Variants in TIAM1 observed in about 807,000 individuals in gnomAD.
TIAM1 encodes the protein rho guanine nucleotide exchange factor TIAM1.
A neutral mutation model predicts 163.5 loss-of-function variants in TIAM1; 65 were observed. That is an observed-to-expected ratio of 0.40 (90% CI 0.33 to 0.49). TIAM1 has a LOEUF of 0.49. Among genes scored for constraint, TIAM1 ranks in the 20% least tolerant of loss-of-function variants. The probability of loss-of-function intolerance (pLI) is 0.77; values close to 1 mark genes in which losing one functional copy is unlikely to be tolerated. For synonymous variants in TIAM1, 833 were observed against 810.1 expected (o/e 1.03, Z -0.48); for missense variants, 1,789 against 2,044.7 (o/e 0.87, Z 2.41).
intron 1 of TIAM1, among the ~76,000 whole-genome samples, chr21:31,516,786 T>C (rs889021031): frequency 6.6e-6 from 1 of 151,702 alleles, no homozygotes; most frequent in Non-Finnish European, 1.5e-5. Flanking sequence ...CTGGGCTCGG[T>C]GGCTCACACC....
intron 2 of TIAM1, among the ~76,000 whole-genome samples, chr21:31,458,865 C>G (rs781326818): frequency 2.6e-5 from 4 of 152,088 alleles, no homozygotes; most frequent in Non-Finnish European, 5.9e-5. Context: ...AATGGCTAGC[C>G]AGGCAGAGCT....
chr21:31,155,645 C>T (rs1161669702), intron 16 of TIAM1, among the ~76,000 whole-genome samples: 1 of 152,188 alleles, frequency 6.6e-6, no homozygotes, highest in Non-Finnish European at 1.5e-5. Flanking sequence ...GCTGGGACTA[C>T]AGGCGCCCGC....
intron 11 of TIAM1, among the ~76,000 whole-genome samples, chr21:31,206,420 A>C (rs1473295216): frequency 6.6e-6 from 1 of 152,232 alleles, no homozygotes; most frequent in Non-Finnish European, 1.5e-5. Flanking sequence ...AATGTTAATG[A>C]ATATTTAAAC....
chr21:31,266,687 T>G lies in TIAM1; in HGVS notation c.286A>C (p.Met96Leu), dbSNP rs775117405. Reference protein sequence around the residue: ...GSPIWVDRVDMGLRPVSYTDS... With the variant: ...GSPIWVDRVDLGLRPVSYTDS... ...GTGTAAGACACAGGTCTCAAGCCCA[T>G]GTCCACTCGGTCCACCCAGATGGGG... The change falls in exon 4 of 28, where the codon ATG becomes CTG. Residue 96 changes from methionine to leucine, a missense_variant. Physicochemically the swap from Met to Leu is conservative, Grantham distance 15 (BLOSUM62 2). Transcript: ENST00000541036. The G allele has an allele frequency of 5.6e-6, 9 of 1,614,186 alleles. No homozygotes were observed. In the Admixed American group the frequency reaches 1.5e-4, roughly 27 times the overall value.
At chr21:31,335,790 CTG>C (rs1192958164) in intron 2 of TIAM1, among the ~76,000 whole-genome samples, 1 of 152,136 alleles carries the variant, frequency 6.6e-6, no homozygotes, top group African/African-American at 2.4e-5. Context: ...CTAAATGTCT[CTG>C]TTTATATTCA....
intron 14 of TIAM1, among the ~76,000 whole-genome samples, chr21:31,185,470 A>T (rs1258028911): frequency 4.2e-5 from 6 of 143,694 alleles, no homozygotes; most frequent in Non-Finnish European, 9.1e-5. Flanking sequence ...ATAATGTATT[A>T]ATATATTCTA....
At chr21:31,189,936 A>G (rs1398192582) in intron 13 of TIAM1, among the ~76,000 whole-genome samples, 6 of 152,212 alleles carry the variant, frequency 3.9e-5, no homozygotes, top group Non-Finnish European at 5.9e-5. Flanking sequence ...TCTAACTCTC[A>G]GCAGACAACT....
chr21:31,536,083 G>A (rs1225992185), intron 1 of TIAM1, among the ~76,000 whole-genome samples: 4 of 152,166 alleles, frequency 2.6e-5, no homozygotes, highest in East Asian at 1.9e-4. Flanking sequence ...GAGAAAATGC[G>A]GCACAGGCAG....
intron 15 of TIAM1, among the ~76,000 whole-genome samples, chr21:31,174,915 G>A (rs1433770234): frequency 6.6e-6 from 1 of 152,152 alleles, no homozygotes; most frequent in African/African-American, 2.4e-5. Flanking sequence ...CAACGTGCTG[G>A]GATTACAGGC....
At chr21:31,530,935 C>G (rs1367503719) in intron 1 of TIAM1, among the ~76,000 whole-genome samples, 3 of 152,032 alleles carry the variant, frequency 2.0e-5, no homozygotes, top group Non-Finnish European at 4.4e-5. Context: ...CAGGACTGAA[C>G]AGTCCTGGCT....
chr21:31,129,142 T>C (rs1290958091), intron 25 of TIAM1, among the ~76,000 whole-genome samples: 2 of 152,140 alleles, frequency 1.3e-5, no homozygotes, highest in Admixed American at 6.5e-5. Flanking sequence ...GAGTTTCCAT[T>C]TGACTCTCCA....
intron 2 of TIAM1, among the ~76,000 whole-genome samples, chr21:31,434,442 T>C (rs73358824): frequency 0.033 from 5,006 of 152,266 alleles, 260 homozygotes; most frequent in African/African-American, 0.12. Flanking sequence ...CTGAAATAGA[T>C]AACCATGCCA....
chr21:31,546,958 T>TGGG (rs35193144), intron 1 of TIAM1, among the ~76,000 whole-genome samples: 3 of 151,030 alleles, frequency 2.0e-5, no homozygotes, highest in Non-Finnish European at 4.4e-5. Flanking sequence ...CCCAAAATAG[T>TGGG]GGGGGGGGGC....
At chr21:31,320,210 T>C (rs1384623187) in intron 2 of TIAM1, among the ~76,000 whole-genome samples, 1 of 152,166 alleles carries the variant, frequency 6.6e-6, no homozygotes, top group Non-Finnish European at 1.5e-5. Context: ...AACACGATGC[T>C]AAGTATGATG....
intron 8 of TIAM1, among the ~76,000 whole-genome samples, chr21:31,222,701 ATATATATTTTTTTTTTTTTTT>A (rs1382615087): frequency 0.022 from 1,015 of 46,290 alleles, 17 homozygotes; most frequent in African/African-American, 0.099. Flanking sequence ...ATATATATAT[ATATATATTTTTTTTTTTTTTT>A]TTTTTTTTTT....
chr21:31,125,767 G>A (rs1014035114), intron 26 of TIAM1, among the ~76,000 whole-genome samples: 1 of 152,170 alleles, frequency 6.6e-6, no homozygotes, highest in African/African-American at 2.4e-5. Context: ...TGGAGACGGG[G>A]CTTTGCCATG....
At chr21:31,290,795 G>A (rs2073992260) in intron 2 of TIAM1, among the ~76,000 whole-genome samples, 1 of 151,792 alleles carries the variant, frequency 6.6e-6, no homozygotes, top group African/African-American at 2.4e-5. Flanking sequence ...CATCTGTACA[G>A]TCAAAATATT....
rs143858464 is a variant in TIAM1, at chr21:31,339,544, T to C, written c.-368-122A>G. 1.1e-3 allele frequency: 432 copies of C among 396,326 alleles called. 4 individuals are homozygous for C. The East Asian group carries it at 0.015, about 14-fold the overall frequency. The allele number at this position is 396,326 out of a possible 1,614,324, so 24.6% of individuals were successfully genotyped here. ...CACAGGAAAAGTACCTTACATGTTGTAGACACTCAATACATTAGAGTATGG... is the reference window on the plus strand; with the variant it reads ...CACAGGAAAAGTACCTTACATGTTGCAGACACTCAATACATTAGAGTATGG... On this transcript the variant is annotated intron_variant, in intron 1 of 27. Coordinates refer to ENST00000541036, the MANE Select transcript of TIAM1 (RefSeq NM_001353694.2).
intron 1 of TIAM1, among the ~76,000 whole-genome samples, chr21:31,515,567 C>A (rs2147481088): frequency 6.6e-6 from 1 of 152,280 alleles, no homozygotes; most frequent in South Asian, 2.1e-4. Context: ...TATAAACACC[C>A]AATTGTTGAA....
Sources: allele counts gnomAD v4.1 joint callset (sites outside exome capture counted in the v4.1 genomes callset), GRCh38; gene constraint gnomAD v4.1.1; transcripts MANE v1.5; gene names NCBI Gene and HGNC (gene_info 2026-07-23, HGNC 2026-07-21).